Variants in UTRN observed in about 807,000 individuals in gnomAD.
UTRN encodes dystrophin-related protein 1.
A neutral mutation model predicts 463.9 loss-of-function variants in UTRN; 283 were observed. That is an observed-to-expected ratio of 0.61 (90% CI 0.55 to 0.67). The LOEUF is 0.67. Ranked by LOEUF, UTRN falls within the 30% of genes least tolerant of loss-of-function variation. UTRN has a pLI of 0.00. For synonymous variants in UTRN, 1,442 were observed against 1,431.5 expected (o/e 1.01, Z -0.17); for missense variants, 3,922 against 4,084.3 (o/e 0.96, Z 1.08).
intron 2 of UTRN, among the ~76,000 whole-genome samples, chr6:144,352,049 G>T (rs1168396421): frequency 1.3e-5 from 2 of 152,058 alleles, no homozygotes; most frequent in Non-Finnish European, 2.9e-5. Context: ...TGTGCCTTTA[G>T]CTTCTCCTTG....
intron 51 of UTRN, among the ~76,000 whole-genome samples, chr6:144,621,175 A>G (rs1775330300): frequency 6.6e-6 from 1 of 152,200 alleles, no homozygotes; most frequent in South Asian, 2.1e-4. Flanking sequence ...TAAAGTGCTT[A>G]GAAAAACGCC....
intron 54 of UTRN, among the ~76,000 whole-genome samples, chr6:144,747,956 C>T (rs1377295180): frequency 3.3e-5 from 5 of 152,022 alleles, no homozygotes; most frequent in Non-Finnish European, 7.4e-5. Flanking sequence ...CTTGTGTTAT[C>T]TTCTTACATT....
At chr6:144,294,962 G>T (rs1562713674) in intron 2 of UTRN, among the ~76,000 whole-genome samples, 2 of 152,284 alleles carry the variant, frequency 1.3e-5, no homozygotes, top group Middle Eastern at 3.4e-3. Context: ...GAACTGGAAA[G>T]AATTTGATCT....
At position 144,341,103 on chromosome 6, in the gene UTRN, A is replaced by G. The variant is rs1230876191; in HGVS notation, c.79+49196A>G. On this transcript the variant is annotated intron_variant, in intron 2 of 74. Coordinates refer to ENST00000367545, the MANE Select transcript of UTRN (RefSeq NM_007124.3). ...CCCACTATGGAAAGTTCTATTTGAC[A>G]TATGAAAGTTCAACGGTCAATTTCA... 2.0e-5 allele frequency among the ~76,000 whole-genome samples: 3 copies of G among 152,228 alleles called. No individual in the cohort carries two copies. In the East Asian group the frequency reaches 5.8e-4, roughly 29 times the overall value.
intron 23 of UTRN, among the ~76,000 whole-genome samples, chr6:144,466,669 A>G (rs1468768639): frequency 6.6e-6 from 1 of 152,236 alleles, no homozygotes; most frequent in Non-Finnish European, 1.5e-5. Context: ...TCATGGGGAT[A>G]ACATATTATA....
At chr6:144,773,769 T>C (rs973974489) in intron 59 of UTRN, among the ~76,000 whole-genome samples, 11 of 152,208 alleles carry the variant, frequency 7.2e-5, no homozygotes, top group Non-Finnish European at 1.5e-4. Context: ...AGCATATTCC[T>C]TTCCTCTAGG....
chr6:144,478,183 C>T (rs147978445), intron 25 of UTRN, among the ~76,000 whole-genome samples: 2 of 152,198 alleles, frequency 1.3e-5, no homozygotes, highest in African/African-American at 4.8e-5. Context: ...TCTATTTCAT[C>T]TATTATATTC....
chr6:144,329,084 CTTT>C (rs1223318985), intron 2 of UTRN, among the ~76,000 whole-genome samples: 8 of 133,292 alleles, frequency 6.0e-5, no homozygotes, highest in Admixed American at 1.5e-4. Flanking sequence ...CGCACCTGGC[CTTT>C]TTTTTTTTTT....
intron 23 of UTRN, among the ~76,000 whole-genome samples, chr6:144,473,168 C>T (rs552318867): frequency 5.1e-4 from 78 of 152,142 alleles, no homozygotes; most frequent in Non-Finnish European, 9.0e-4. Flanking sequence ...GAACCCCTAT[C>T]GCCATACACA....
intron 32 of UTRN, 120 bp from the exon 33 acceptor site, chr6:144,493,181 C>G (rs992577204): frequency 1.8e-4 from 160 of 875,194 alleles, no homozygotes; most frequent in Non-Finnish European, 2.6e-4. Flanking sequence ...AGATGATGGC[C>G]TTTGATCACC....
chr6:144,458,993 C>A lies in UTRN; in HGVS notation c.2508C>A (p.Ser836Arg), dbSNP rs973724625. 1.2e-6 allele frequency: 2 copies of A among 1,604,026 alleles called. No individual in the cohort carries two copies. Among genetic ancestry groups the A allele is most frequent in the Non-Finnish European group, 1.7e-6 (2 of 1,176,330 alleles). ...ISESSRQSLPSLKDSCQRELT... is the reference protein window; with the variant it reads ...ISESSRQSLPRLKDSCQRELT... ...AATCTTCCCGGCAGTCCTTGCCAAG[C>A]TTGAAGGATTCCTGTCAGGTAAGGA... The change falls in exon 20 of 75, where the codon AGC becomes AGA. Residue 836 changes from serine to arginine, a missense_variant. By Grantham distance (110) the Ser-to-Arg change is moderately radical. Transcript: ENST00000367545.
intron 43 of UTRN, 96 bp from the exon 44 acceptor site, chr6:144,537,486 G>T: frequency 1.3e-6 from 1 of 758,808 alleles, no homozygotes; most frequent in South Asian, 5.7e-5. Flanking sequence ...TATTTATTTT[G>T]GGAAATATTT....
rs1792347567 is a variant in UTRN at position 144,485,515 on chromosome 6, T to C, written c.3818T>C (p.Leu1273Pro). 1.2e-6 allele frequency: 2 copies of C among 1,612,296 alleles called. No individual in the cohort carries two copies. Among genetic ancestry groups the C allele is most frequent in the African/African-American group, 2.7e-5 (2 of 74,324 alleles). ...PEKTDAVNEA[L>P]ESLESVLRHP... The stretch of plus-strand genomic sequence containing the variant: ...AAGACGGATGCTGTCAACGAAGCCC[T>C]GGAGGTTGGAACCCGTGATCTCCAC... The change falls in exon 28 of 75, where the codon CTG (leucine) becomes CCG (proline). Residue 1273 changes from leucine (L) to proline (P), a missense_variant. Leu to Pro is a moderately conservative substitution (Grantham distance 98). Transcript: ENST00000367545.
intron 60 of UTRN, among the ~76,000 whole-genome samples, chr6:144,775,251 T>A (rs1775220123): frequency 6.6e-6 from 1 of 152,174 alleles, no homozygotes; most frequent in African/African-American, 2.4e-5. Context: ...TAGCAATAAA[T>A]TTTAAGCTGG....
At chr6:144,491,439 T>G (rs1793067636) in intron 32 of UTRN, among the ~76,000 whole-genome samples, 1 of 152,276 alleles carries the variant, frequency 6.6e-6, no homozygotes, top group South Asian at 2.1e-4. Flanking sequence ...AGGATAAATT[T>G]GAATTAGCTA....
At chr6:144,472,214 A>G (rs1035892928) in intron 23 of UTRN, among the ~76,000 whole-genome samples, 1 of 152,180 alleles carries the variant, frequency 6.6e-6, no homozygotes, top group Admixed American at 6.5e-5. Flanking sequence ...GAGATCTTAT[A>G]TGTGCTTAGG....
At chr6:144,504,346 G>A (rs1562496970) in intron 34 of UTRN, among the ~76,000 whole-genome samples, 1 of 152,116 alleles carries the variant, frequency 6.6e-6, no homozygotes, top group Non-Finnish European at 1.5e-5. Context: ...TTCAGCTTTT[G>A]CCCATTCAAT....
chr6:144,529,925 CT>C (rs1471751263), intron 41 of UTRN, among the ~76,000 whole-genome samples: 1 of 152,072 alleles, frequency 6.6e-6, no homozygotes, highest in Non-Finnish European at 1.5e-5. Flanking sequence ...CCTTTTTATG[CT>C]TATTTCATGT....
chr6:144,344,314 T>C, intron 2 of UTRN: 1 of 1,304,082 alleles, frequency 7.7e-7, no homozygotes, highest in Non-Finnish European at 1.0e-6. Flanking sequence ...GGTAAGTTTG[T>C]CAACTTGCAC....
Sources: gnomAD v4.1 joint callset for allele counts (sites outside exome capture counted in the v4.1 genomes callset) on GRCh38, gnomAD v4.1.1 for gene constraint, MANE v1.5 for transcripts, NCBI Gene and HGNC (gene_info 2026-07-23, HGNC 2026-07-21) for gene names.